GCM1: variants seen among roughly 807,000 people sequenced by gnomAD.
GCM1 encodes the protein GCM transcription factor 1, also known as chorion-specific transcription factor GCMa.
GCM1 carries 2 observed loss-of-function variants against 25.7 expected under a neutral mutation model. That is an observed-to-expected ratio of 0.08 (90% CI 0.03 to 0.24). The LOEUF (loss-of-function observed/expected upper bound fraction) is 0.24, where lower values mean the gene tolerates loss of function less well. Ranked by LOEUF, GCM1 falls within the 10% of genes least tolerant of loss-of-function variation. The pLI is 1.00. For missense variants in GCM1, 395 were observed against 538.7 expected, an observed-to-expected ratio of 0.73 and a Z score of 2.64; for synonymous variants, 183 against 195.7, an observed-to-expected ratio of 0.94 and a Z score of 0.54.
At chr6:53,147,860 T>C (rs1763986312) in intron 1 of GCM1, among the ~76,000 whole-genome samples, 1 of 152,206 alleles carries the variant, frequency 6.6e-6, no homozygotes, top group Non-Finnish European at 1.5e-5. Flanking sequence ...CTTTTTTGTG[T>C]GTGCTCTAGA....
At chr6:53,142,220 G>A (rs978851160) in intron 2 of GCM1, among the ~76,000 whole-genome samples, 1 of 151,980 alleles carries the variant, frequency 6.6e-6, no homozygotes, top group Non-Finnish European at 1.5e-5. Context: ...GGGACAGAGA[G>A]TGAAATTAGA....
At chr6:53,137,121 G>C (rs1763813345) in intron 2 of GCM1, among the ~76,000 whole-genome samples, 1 of 152,198 alleles carries the variant, frequency 6.6e-6, no homozygotes, top group African/African-American at 2.4e-5. Context: ...GGTTTGGGAA[G>C]GGGGAAGGGT....
At chr6:53,130,588 A>G (rs751870596) in intron 5 of GCM1, among the ~76,000 whole-genome samples, 1 of 152,238 alleles carries the variant, frequency 6.6e-6, no homozygotes, top group Non-Finnish European at 1.5e-5. Flanking sequence ...CTCCAATTAC[A>G]TGGACTTTAT....
At position 53,128,491 on chromosome 6, in the gene GCM1, T is replaced by C. The variant is rs760382550; in HGVS notation, c.1026A>G (p.Pro342=). 6.2e-7 allele frequency: 1 copy of C among 1,613,968 alleles called. No individual in the cohort carries two copies. Among genetic ancestry groups the C allele is most frequent in the African/African-American group, 1.3e-5 (1 of 74,924 alleles). ...NSSEPFYQQL[P]LEPPAAKTGC... ...CAGTTTTGGCTGCAGGTGGCTCCAATGGAAGCTGCTGGTAAAAGGGTTCTG... is the reference window on the plus strand; with the variant it reads ...CAGTTTTGGCTGCAGGTGGCTCCAACGGAAGCTGCTGGTAAAAGGGTTCTG... The change falls in exon 6 of 6, where the codon CCA becomes CCG. Residue 342 remains proline, a synonymous_variant. Coordinates refer to ENST00000259803, the MANE Select transcript of GCM1 (RefSeq NM_003643.4).
At chr6:53,146,314 G>A (rs1251822521) in intron 1 of GCM1, among the ~76,000 whole-genome samples, 1 of 148,746 alleles carries the variant, frequency 6.7e-6, no homozygotes, top group East Asian at 2.0e-4. Context: ...CTGCCTCTTG[G>A]GTTCAAGCAA....
intron 5 of GCM1, among the ~76,000 whole-genome samples, chr6:53,129,645 A>G (rs936525530): frequency 6.6e-6 from 1 of 152,212 alleles, no homozygotes; most frequent in Admixed American, 6.5e-5. Context: ...AAAGATTTAT[A>G]TTATACTCAG....
rs1763708290 is a variant in GCM1, at chr6:53,130,486, T to A, written c.570+317A>T. On this transcript the variant is annotated intron_variant, in intron 5 of 5. Coordinates refer to ENST00000259803, the MANE Select transcript of GCM1 (RefSeq NM_003643.4). Reference sequence around the variant, plus strand: ...TGAAATGCATAAGGCTACTATTTTGTGGAGATTGTTTCAATTGTTTTTGGT... The same window carrying A: ...TGAAATGCATAAGGCTACTATTTTGAGGAGATTGTTTCAATTGTTTTTGGT... Among the ~76,000 whole-genome samples the A allele has an allele frequency of 2.6e-5, 4 of 152,148 alleles. No individual in the cohort carries two copies. The South Asian group carries it at 8.3e-4, about 32-fold the overall frequency.
At chr6:53,144,984 A>AAAGAGAG (rs141157978) in intron 2 of GCM1, among the ~76,000 whole-genome samples, 1 of 148,268 alleles carries the variant, frequency 6.7e-6, no homozygotes, top group Admixed American at 6.7e-5. Context: ...AATGAAAAGA[A>AAAGAGAG]AGAGAGAGAG....
At chr6:53,129,016 G>C in intron 5 of GCM1, 70 bp from the exon 6 acceptor site, 1 of 1,210,518 alleles carries the variant, frequency 8.3e-7, no homozygotes, top group East Asian at 2.3e-5. Flanking sequence ...AGGCACCCAT[G>C]AGTTACTCTG....
In GCM1 at chr6:53,130,837, A is replaced by T. The variant is rs1167384354; in HGVS notation, c.536T>A (p.Val179Asp). The part of the protein sequence containing the change: ...MKKVNTAPSS[V>D]SLSLKGSTET... ...TGTGCTCCCCTTCAGGCTCAATGAG[A>T]CGGAGGAAGGTGCTGTGTTCACTTT... The change falls in exon 5 of 6, where the codon GTC becomes GAC. Residue 179 changes from valine (V) to aspartate (D), a missense_variant. Physicochemically the swap from Val to Asp is radical, Grantham distance 152. Transcript: ENST00000259803. The T allele has an allele frequency of 1.2e-6, 2 of 1,613,904 alleles. No homozygotes were observed. Among genetic ancestry groups the T allele is most frequent in the Non-Finnish European group, 8.5e-7 (1 of 1,179,782 alleles).
intron 2 of GCM1, among the ~76,000 whole-genome samples, chr6:53,138,320 G>A (rs540949092): frequency 6.8e-4 from 101 of 148,610 alleles, no homozygotes; most frequent in Middle Eastern, 3.6e-3. Context: ...TTTGGACAAC[G>A]TATGGACTGA....
chr6:53,134,281 T>C lies in GCM1; in HGVS notation c.119A>G (p.Tyr40Cys). The change falls in exon 3 of 6, where the codon TAT becomes TGT. Residue 40 changes from tyrosine (Y) to cysteine (C), a missense_variant. Tyr to Cys is a radical substitution (Grantham distance 194). This residue lies in a region of GCM1 where 44 missense variants were observed against 60.8 expected (regional missense o/e 0.72). Coordinates refer to ENST00000259803, the MANE Select transcript of GCM1 (RefSeq NM_003643.4). ...TDWFQEWPDS[Y>C]AKHIYSSEDK... is the part of the protein sequence containing the mutation. ...CTCCGAGCTGTAGATGTGTTTGGCATAGGAATCTGGCCACTCCTGGAACCA... is the reference window on the plus strand; with the variant it reads ...CTCCGAGCTGTAGATGTGTTTGGCACAGGAATCTGGCCACTCCTGGAACCA... 6.2e-7 allele frequency: 1 copy of C among 1,613,960 alleles called. No individual in the cohort carries two copies. The highest frequency in any genetic ancestry group is 8.5e-7 in the Non-Finnish European group (1 of 1,179,822).
At chr6:53,148,181 A>G (rs1763992954) in intron 1 of GCM1, among the ~76,000 whole-genome samples, 1 of 152,238 alleles carries the variant, frequency 6.6e-6, no homozygotes, top group South Asian at 2.1e-4. Context: ...AATAACAGGT[A>G]TAGAAGATGC....
intron 2 of GCM1, among the ~76,000 whole-genome samples, chr6:53,140,968 C>T (rs1763863333): frequency 6.6e-6 from 1 of 152,144 alleles, no homozygotes; most frequent in South Asian, 2.1e-4. Context: ...TTTCACCTTT[C>T]CAAGTACAAA....
intron 2 of GCM1, among the ~76,000 whole-genome samples, chr6:53,144,783 C>T (rs1425750086): frequency 6.6e-6 from 1 of 151,728 alleles, no homozygotes; most frequent in African/African-American, 2.4e-5. Flanking sequence ...GGCTTGTTGG[C>T]GTGTGCCTAT....
At chr6:53,138,080 A>G (rs951109719) in intron 2 of GCM1, among the ~76,000 whole-genome samples, 3 of 152,072 alleles carry the variant, frequency 2.0e-5, no homozygotes, top group African/African-American at 7.2e-5. Flanking sequence ...CCAGGAGTTC[A>G]AGACCAGACT....
At chr6:53,140,789 T>G (rs1282937421) in intron 2 of GCM1, among the ~76,000 whole-genome samples, 1 of 152,142 alleles carries the variant, frequency 6.6e-6, no homozygotes, top group African/African-American at 2.4e-5. Flanking sequence ...TTCCCAATTT[T>G]CAACCAGAAG....
At chr6:53,142,533 A>G (rs1343035681) in intron 2 of GCM1, among the ~76,000 whole-genome samples, 1 of 152,234 alleles carries the variant, frequency 6.6e-6, no homozygotes, top group Non-Finnish European at 1.5e-5. Flanking sequence ...TGTACTCTAC[A>G]GAATATATTT....
At position 53,145,752 on chromosome 6, in the gene GCM1, G is replaced by T. The variant is rs1763945354; in HGVS notation, c.-120C>A. 5 of 650,316 alleles carry T rather than the reference G, an allele frequency of 7.7e-6. No individual in the cohort carries two copies. The highest frequency in any genetic ancestry group is 7.6e-5 in the South Asian group (4 of 52,512). The allele number at this position is 650,316 out of a possible 1,614,324, so 40.3% of individuals were successfully genotyped here. A position where few individuals can be genotyped will look rare whatever the true frequency, so the allele number is the denominator to read the frequency against. ...GGCCCACTCAAGCACCTTGGACCAG[G>T]AGATTGTTTTCTAGGGCTAAAAAAA... On this transcript the variant is annotated 5_prime_UTR_variant, in exon 2 of 6. Coordinates refer to ENST00000259803, the MANE Select transcript of GCM1 (RefSeq NM_003643.4).
Sources: allele counts gnomAD v4.1 joint callset (sites outside exome capture counted in the v4.1 genomes callset), GRCh38; gene constraint gnomAD v4.1.1; regional missense constraint gnomAD v4.1.1; transcripts MANE v1.5; gene names NCBI Gene and HGNC (gene_info 2026-07-23, HGNC 2026-07-21).